Variants in GCLC observed in about 807,000 individuals in gnomAD.
GCLC encodes glutamate-cysteine ligase catalytic subunit.
In GCLC, 30 loss-of-function variants were observed where a neutral mutation model predicts 81.5. The observed-to-expected ratio is 0.37, with a 90% confidence interval of 0.28 to 0.50. The LOEUF is 0.50. GCLC is among the 20% of genes least tolerant of loss of function. GCLC has a pLI of 0.96. For missense variants in GCLC, 556 were observed against 777.4 expected, an observed-to-expected ratio of 0.72 and a Z score of 3.39; for synonymous variants, 262 against 273.3, an observed-to-expected ratio of 0.96 and a Z score of 0.41.
Position 53,544,564 on chromosome 6 carries a change from G to A in GCLC, c.82C>T (p.Leu28Phe). Residue 28 changes from leucine (L) to phenylalanine (F), a missense_variant, in exon 1 of 16, where the codon CTC (leucine) becomes TTC (phenylalanine). By Grantham distance (22) the Leu-to-Phe change is conservative. This residue lies in a region of GCLC where 234 missense variants were observed against 303.8 expected (regional missense o/e 0.77). Coordinates refer to ENST00000650454, the MANE Select transcript of GCLC (RefSeq NM_001498.4). ...GCGTGGTAGATGTGCAGGAACTGGAGGATCCCGTGCCGCCGCACGTGGTCG... is the reference window on the plus strand; with the variant it reads ...GCGTGGTAGATGTGCAGGAACTGGAAGATCCCGTGCCGCCGCACGTGGTCG... The part of the protein sequence containing the change: ...HADHVRRHGI[L>F]QFLHIYHAVK... 1 of 1,607,868 alleles carries A rather than the reference G, an allele frequency of 6.2e-7. No individual in the cohort carries two copies. Among genetic ancestry groups the A allele is most frequent in the East Asian group, 2.2e-5 (1 of 44,838 alleles).
rs530900541 is a variant in GCLC, at chr6:53,505,708, T to C, written c.1290+95A>G. ...ATGCACATACTTAATTTTTATTTTA[T>C]ATATAAGAGCCTTCTCATAGCAGCA... is the stretch of plus-strand genomic sequence containing the variant. On this transcript the variant is annotated intron_variant, in intron 11 of 15. Coordinates refer to ENST00000650454, the MANE Select transcript of GCLC (RefSeq NM_001498.4). 8.8e-5 allele frequency: 73 copies of C among 826,744 alleles called. No homozygotes were observed. In the African/African-American group the frequency reaches 1.1e-3, roughly 12 times the overall value. The allele number at this position is 826,744 out of a possible 1,614,324, so 51.2% of individuals were successfully genotyped here. A position where few individuals can be genotyped will look rare whatever the true frequency, so the allele number is the denominator to read the frequency against.
In GCLC at chr6:53,497,988, C is replaced by T. The variant is rs553598191; in HGVS notation, c.*768G>A. 6 of 142,290 alleles carry T rather than the reference C, an allele frequency of 4.2e-5. No homozygotes were observed. Among genetic ancestry groups the T allele is most frequent in the Admixed American group, 1.4e-4 (2 of 14,518 alleles). 8.8% of individuals were successfully genotyped at this position (142,290 alleles called of 1,614,324 possible). A position where few individuals can be genotyped will look rare whatever the true frequency, so the allele number is the denominator to read the frequency against. On this transcript the variant is annotated 3_prime_UTR_variant, in exon 16 of 16. Coordinates refer to ENST00000650454, the MANE Select transcript of GCLC (RefSeq NM_001498.4). ...AATGATTGCCACCCCCCACCCCTGC[C>T]GCCAACTTTTTTAGTTAAAAAAAAA...
Position 53,505,479 on chromosome 6 carries a change from A to T in GCLC, c.1308T>A (p.Phe436Leu), listed in dbSNP as rs377615557. 1.3e-6 allele frequency: 2 copies of T among 1,584,118 alleles called. No individual in the cohort carries two copies. Among genetic ancestry groups the T allele is most frequent in the African/African-American group, 2.7e-5 (2 of 74,258 alleles). ...FRPMEVQLTD[F>L]ENSAYVVFVV... is the part of the protein sequence containing the mutation. ...CAAACACCACATAGGCAGAGTTCTCAAAGTCTGTTAATTGCACCTAGACAA... is the reference window on the plus strand; with the variant it reads ...CAAACACCACATAGGCAGAGTTCTCTAAGTCTGTTAATTGCACCTAGACAA... The change falls in exon 12 of 16, where the codon TTT becomes TTA. Residue 436 changes from phenylalanine (F) to leucine (L), a missense_variant. Coordinates refer to ENST00000650454, the MANE Select transcript of GCLC (RefSeq NM_001498.4).
chr6:53,542,337 G>A (rs1013858344), intron 1 of GCLC, among the ~76,000 whole-genome samples: 10 of 152,148 alleles, frequency 6.6e-5, no homozygotes, highest in Admixed American at 3.3e-4. Flanking sequence ...GAGTGGGAAG[G>A]AGGTAAACCT....
intron 1 of GCLC, among the ~76,000 whole-genome samples, chr6:53,530,235 C>A (rs1763149269): frequency 1.3e-5 from 2 of 152,190 alleles, no homozygotes; most frequent in Admixed American, 6.5e-5. Context: ...AAGTTTAATG[C>A]CATTCCACCA....
chr6:53,515,589 C>G (rs975217668), intron 4 of GCLC, among the ~76,000 whole-genome samples: 2 of 152,180 alleles, frequency 1.3e-5, no homozygotes, highest in African/African-American at 4.8e-5. Flanking sequence ...AAGCTAAGAT[C>G]AGGCTAGTGA....
At chr6:53,522,651 C>T in intron 1 of GCLC, 124 bp from the exon 2 acceptor site, 1 of 679,674 alleles carries the variant, frequency 1.5e-6, no homozygotes, top group Non-Finnish European at 2.7e-6. Context: ...CAGACAGTCA[C>T]ATTTGTTTAC....
rs746395020 is a variant in GCLC at position 53,522,512 on chromosome 6, C to A, written c.166G>T (p.Val56Leu). ...TTTTTATTTTCATGATCAAAAGATA[C>A]CAACATGTATTCCACCTATTGAAAA... ...KWGDEVEYML[V>L]SFDHENKKVR... Residue 56 changes from valine to leucine, a missense_variant, in exon 2 of 16, where the codon GTA becomes TTA. By Grantham distance (32) the Val-to-Leu change is conservative. Transcript: ENST00000650454. The A allele has an allele frequency of 1.2e-6, 2 of 1,600,096 alleles. No homozygotes were observed. Among genetic ancestry groups the A allele is most frequent in the African/African-American group, 2.7e-5 (2 of 74,624 alleles).
chr6:53,542,265 T>C (rs1338944065), intron 1 of GCLC, among the ~76,000 whole-genome samples: 2 of 152,296 alleles, frequency 1.3e-5, no homozygotes, highest in East Asian at 3.9e-4. Flanking sequence ...TTTCTCTCCT[T>C]TATAGATGCA....
intron 1 of GCLC, among the ~76,000 whole-genome samples, chr6:53,544,152 T>G (rs1017888374): frequency 4.6e-5 from 7 of 152,242 alleles, no homozygotes; most frequent in Admixed American, 4.6e-4. Context: ...GTAAGGTGGA[T>G]CATGGTAGTT....
chr6:53,512,373 T>A (rs909497073), intron 6 of GCLC, among the ~76,000 whole-genome samples: 2 of 152,188 alleles, frequency 1.3e-5, no homozygotes, highest in East Asian at 1.9e-4. Context: ...TTTAAAACTA[T>A]TTTTTCTACT....
At chr6:53,505,538 C>A (rs1205482680) in intron 11 of GCLC, 42 bp from the exon 12 acceptor site, 1 of 1,002,638 alleles carries the variant, frequency 1.0e-6, no homozygotes, top group Non-Finnish European at 1.6e-6. Context: ...ACCAACTACA[C>A]AAACATGCTC....
intron 1 of GCLC, among the ~76,000 whole-genome samples, chr6:53,525,633 A>C (rs1461066456): frequency 6.6e-6 from 1 of 152,254 alleles, no homozygotes; most frequent in Admixed American, 6.5e-5. Context: ...CTGTAAACCC[A>C]GAATTGCAGC....
At chr6:53,522,008 A>G (rs1182675577) in intron 2 of GCLC, among the ~76,000 whole-genome samples, 1 of 152,210 alleles carries the variant, frequency 6.6e-6, no homozygotes, top group Non-Finnish European at 1.5e-5. Context: ...AAAGCCAAAC[A>G]AAGCCCATCT....
chr6:53,517,142 A>G (rs1417295677), intron 3 of GCLC, among the ~76,000 whole-genome samples: 2 of 134,528 alleles, frequency 1.5e-5, no homozygotes, highest in African/African-American at 5.7e-5. Flanking sequence ...GCTGGAGTGC[A>G]GTGGTGCAAT....
intron 12 of GCLC, among the ~76,000 whole-genome samples, chr6:53,505,049 A>C (rs1764586798): frequency 6.6e-6 from 1 of 152,204 alleles, no homozygotes; most frequent in African/African-American, 2.4e-5. Context: ...CGAATTCTTC[A>C]GAAATATCTC....
At chr6:53,520,495 A>G (rs17881102) in intron 3 of GCLC, among the ~76,000 whole-genome samples, 1,582 of 152,302 alleles carry the variant, frequency 0.01, 28 homozygotes, top group African/African-American at 0.036. Flanking sequence ...CGCCTGCGGC[A>G]GACACGGCCA....
rs758688011 is a variant in GCLC, at chr6:53,514,258, C to T, written c.699G>A (p.Pro233=). ...EDDEASRASK[P]DHIYMDAMGF... ...CCATGGCATCCATGTAAATATGATCCGGCTTAGAAGCCCTTGAAGCTTCAT... is the reference window on the plus strand; with the variant it reads ...CCATGGCATCCATGTAAATATGATCTGGCTTAGAAGCCCTTGAAGCTTCAT... Residue 233 remains proline, a synonymous_variant, in exon 6 of 16, where the codon CCG becomes CCA. Coordinates refer to ENST00000650454, the MANE Select transcript of GCLC (RefSeq NM_001498.4). The T allele has an allele frequency of 1.1e-5, 17 of 1,612,914 alleles. No homozygotes were observed. Among genetic ancestry groups the T allele is most frequent in the South Asian group, 5.5e-5 (5 of 91,058 alleles).
At chr6:53,519,524 G>A (rs1762948248) in intron 3 of GCLC, among the ~76,000 whole-genome samples, 1 of 151,634 alleles carries the variant, frequency 6.6e-6, no homozygotes, top group South Asian at 2.1e-4. Context: ...TGAATCTATG[G>A]GTATTTGATT....
Sources: allele counts gnomAD v4.1 joint callset (sites outside exome capture counted in the v4.1 genomes callset), GRCh38; gene constraint gnomAD v4.1.1; regional missense constraint gnomAD v4.1.1; transcripts MANE v1.5; gene names NCBI Gene and HGNC (gene_info 2026-07-23, HGNC 2026-07-21).